Variants in ABCG2 observed in about 807,000 individuals in gnomAD.
ABCG2 encodes broad substrate specificity ATP-binding cassette transporter ABCG2.
In ABCG2, 80 loss-of-function variants were observed where a neutral mutation model predicts 73.5. The observed-to-expected ratio is 1.09, with a 90% CI of 0.91 to 1.31. ABCG2 has a LOEUF of 1.31. Among genes scored for constraint, ABCG2 ranks in the 50% most tolerant of loss-of-function variants. The pLI, the probability that ABCG2 is intolerant of heterozygous loss-of-function variation, is 0.00. For missense variants in ABCG2, 796 were observed against 786.2 expected, an observed-to-expected ratio of 1.01 and a Z score of -0.15; for synonymous variants, 269 against 282.4, an observed-to-expected ratio of 0.95 and a Z score of 0.48.
intron 2 of ABCG2, 45 bp downstream of exon 2, chr4:88,139,748 G>C: frequency 1.3e-6 from 2 of 1,553,172 alleles, no homozygotes; most frequent in Non-Finnish European, 1.8e-6. Context: ...GAGGTTCACT[G>C]TAGGTAAATT....
chr4:88,187,933 A>C (rs1412213281), intron 1 of ABCG2, among the ~76,000 whole-genome samples: 1 of 152,202 alleles, frequency 6.6e-6, no homozygotes, highest in East Asian at 1.9e-4. Context: ...GATGTTTGGA[A>C]ATGTCCAGTA....
chr4:88,200,722 C>G (rs1445303495), intron 1 of ABCG2, among the ~76,000 whole-genome samples: 1 of 151,512 alleles, frequency 6.6e-6, no homozygotes, highest in East Asian at 2.0e-4. Context: ...CCATGTTAGC[C>G]AGGGTGGTCT....
intron 2 of ABCG2, among the ~76,000 whole-genome samples, chr4:88,137,003 C>T (rs1288265397): frequency 2.2e-5 from 2 of 89,848 alleles, no homozygotes; most frequent in South Asian, 3.5e-4. Flanking sequence ...CAAGAGCAAA[C>T]CTCCATCTCA....
chr4:88,180,863 A>G (rs1348787440), intron 1 of ABCG2, among the ~76,000 whole-genome samples: 1 of 152,162 alleles, frequency 6.6e-6, no homozygotes, highest in African/African-American at 2.4e-5. Context: ...ACAGAAAACC[A>G]CGGAATATTA....
upstream of ABCG2, among the ~76,000 whole-genome samples, chr4:88,162,480 T>G (rs1578247770): frequency 2.6e-5 from 4 of 152,288 alleles, no homozygotes; most frequent in African/African-American, 9.6e-5. Flanking sequence ...TGTTTCATAT[T>G]TATAGGTCGG....
intron 1 of ABCG2, among the ~76,000 whole-genome samples, chr4:88,142,672 C>T (rs1725723282): frequency 6.6e-6 from 1 of 152,114 alleles, no homozygotes; most frequent in South Asian, 2.1e-4. Context: ...ATAGGACAGG[C>T]GTGGTGGTTC....
intron 13 of ABCG2, 88 bp downstream of exon 13, chr4:88,097,365 A>G (rs1035898824): frequency 1.0e-5 from 15 of 1,492,662 alleles, no homozygotes; most frequent in African/African-American, 2.8e-5. Context: ...AGAATCCTCA[A>G]AACAGGTTTT....
chr4:88,099,459 A>G lies in ABCG2; in HGVS notation c.1368-11T>C. ...CTGATGTATTCATGTCTATAGAACAAAAATACGTATCATACATCCAAGATT... is the reference window on the plus strand; with the variant it reads ...CTGATGTATTCATGTCTATAGAACAGAAATACGTATCATACATCCAAGATT... On this transcript the variant is annotated splice_polypyrimidine_tract_variant and intron_variant, in intron 11 of 15. Transcript: ENST00000237612. The G allele has an allele frequency of 6.3e-7, 1 of 1,592,290 alleles. No individual in the cohort carries two copies. The highest frequency in any genetic ancestry group is 8.5e-7 in the Non-Finnish European group (1 of 1,171,950).
intron 1 of ABCG2, among the ~76,000 whole-genome samples, chr4:88,194,764 C>T (rs200367638): frequency 3.3e-5 from 5 of 152,108 alleles, no homozygotes; most frequent in East Asian, 1.9e-4. Flanking sequence ...CACAGGAAAG[C>T]GCTTGGCATC....
chr4:88,128,491 T>C lies in ABCG2; in HGVS notation c.531+2570A>G, dbSNP rs542025891. Among the ~76,000 whole-genome samples the C allele has an allele frequency of 1.1e-4, 16 of 152,324 alleles. No homozygotes were observed. The East Asian group carries it at 2.3e-3, about 22-fold the overall frequency. ...TGCACACATGTATTTATTGCAGCACTATTCACAATAGCAAAGACTTGGAAC... is the reference window on the plus strand; with the variant it reads ...TGCACACATGTATTTATTGCAGCACCATTCACAATAGCAAAGACTTGGAAC... On this transcript the variant is annotated intron_variant, in intron 5 of 15. Coordinates refer to ENST00000237612, the MANE Select transcript of ABCG2 (RefSeq NM_004827.3).
chr4:88,213,395 GAAGT>G (rs913211378), intron 1 of ABCG2, among the ~76,000 whole-genome samples: 5 of 152,014 alleles, frequency 3.3e-5, no homozygotes, highest in Non-Finnish European at 5.9e-5. Flanking sequence ...TGAGAAAACT[GAAGT>G]AAGTAAAAGA....
At chr4:88,217,451 A>T (rs1166529463) in intron 1 of ABCG2, among the ~76,000 whole-genome samples, 8 of 152,180 alleles carry the variant, frequency 5.3e-5, no homozygotes, top group Non-Finnish European at 1.2e-4. Context: ...ACTTGAGGTC[A>T]GGTGTTCAAG....
At chr4:88,156,635 G>A (rs935410209) in intron 1 of ABCG2, among the ~76,000 whole-genome samples, 1 of 151,982 alleles carries the variant, frequency 6.6e-6, no homozygotes, top group African/African-American at 2.4e-5. Flanking sequence ...AATGTAGAAG[G>A]AAGAAAATAG....
chr4:88,111,571 T>C (rs1001803973), intron 9 of ABCG2, among the ~76,000 whole-genome samples: 1 of 152,144 alleles, frequency 6.6e-6, no homozygotes, highest in Non-Finnish European at 1.5e-5. Context: ...GGATACAAGC[T>C]CTTAGATATA....
At chr4:88,160,872 A>C (rs35522754), upstream of ABCG2, among the ~76,000 whole-genome samples, 1 of 148,826 alleles carries the variant, frequency 6.7e-6, no homozygotes, top group African/African-American at 2.5e-5. Flanking sequence ...AAAAAAAAAA[A>C]CCTATACATA....
chr4:88,176,147 G>C (rs1578257129), intron 1 of ABCG2, among the ~76,000 whole-genome samples: 1 of 145,802 alleles, frequency 6.9e-6, no homozygotes, highest in East Asian at 2.0e-4. Context: ...TAATTATTAT[G>C]ATTATTCTTG....
intron 1 of ABCG2, among the ~76,000 whole-genome samples, chr4:88,220,951 A>C (rs1729991627): frequency 6.6e-6 from 1 of 152,302 alleles, no homozygotes; most frequent in South Asian, 2.1e-4. Flanking sequence ...CTGTGAGTCC[A>C]TTAAACCTCT....
At chr4:88,219,017 G>T (rs1191060035) in intron 1 of ABCG2, among the ~76,000 whole-genome samples, 2 of 152,210 alleles carry the variant, frequency 1.3e-5, no homozygotes, top group East Asian at 3.8e-4. Context: ...GAGGTCCTGG[G>T]AATTGGGAAC....
intron 1 of ABCG2, among the ~76,000 whole-genome samples, chr4:88,157,653 G>A (rs771215025): frequency 5.3e-5 from 8 of 152,208 alleles, no homozygotes; most frequent in Admixed American, 6.5e-5. Flanking sequence ...CATCTTTGTC[G>A]TTGAAACCTT....
Sources: gnomAD v4.1 joint callset for allele counts (sites outside exome capture counted in the v4.1 genomes callset) on GRCh38, gnomAD v4.1.1 for gene constraint, MANE v1.5 for transcripts, NCBI Gene and HGNC (gene_info 2026-07-23, HGNC 2026-07-21) for gene names.